STK38L: variants seen among roughly 807,000 people sequenced by gnomAD.
The protein encoded by STK38L is serine/threonine-protein kinase 38-like.
STK38L carries 28 observed loss-of-function variants against 59.7 expected under a neutral mutation model. The ratio of observed to expected loss-of-function variants is 0.47; its 90% CI spans 0.35 to 0.64. The LOEUF (loss-of-function observed/expected upper bound fraction) is 0.64, where lower values mean the gene tolerates loss of function less well. Ranked by LOEUF, STK38L falls within the 30% of genes least tolerant of loss-of-function variation. STK38L has a pLI of 0.01. For missense variants in STK38L, 314 were observed against 555.8 expected (o/e 0.56, Z 4.37); for synonymous variants, 162 against 176.8 (o/e 0.92, Z 0.66).
chr12:27,316,300 T>C (rs1261113304), intron 9 of STK38L, among the ~76,000 whole-genome samples: 1 of 152,356 alleles, frequency 6.6e-6, no homozygotes. Context: ...AATGTGTCCA[T>C]TTTAGATCAG....
chr12:27,315,970 C>T (rs1366277355), intron 9 of STK38L, among the ~76,000 whole-genome samples: 1 of 152,120 alleles, frequency 6.6e-6, no homozygotes, highest in Non-Finnish European at 1.5e-5. Context: ...TAACATGGTC[C>T]ATCAACAGTC....
intron 11 of STK38L, among the ~76,000 whole-genome samples, chr12:27,318,727 C>A (rs1944648476): frequency 1.3e-5 from 2 of 152,266 alleles, no homozygotes; most frequent in African/African-American, 4.8e-5. Flanking sequence ...CACAGCAGCT[C>A]ATGCCTGGAA....
chr12:27,278,413 A>G (rs373311777), intron 1 of STK38L, among the ~76,000 whole-genome samples: 1 of 152,174 alleles, frequency 6.6e-6, no homozygotes, highest in Non-Finnish European at 1.5e-5. Context: ...AATTGTTTAT[A>G]TGCTAATTGT....
chr12:27,248,034 C>G (rs1180622853), intron 1 of STK38L, among the ~76,000 whole-genome samples: 1 of 152,052 alleles, frequency 6.6e-6, no homozygotes, highest in African/African-American at 2.4e-5. Flanking sequence ...AGCCTGGTCT[C>G]GAACTCCTTG....
At chr12:27,267,919 TTTG>T (rs1206398910) in intron 1 of STK38L, among the ~76,000 whole-genome samples, 1 of 152,222 alleles carries the variant, frequency 6.6e-6, no homozygotes, top group Non-Finnish European at 1.5e-5. Context: ...CATTTTAAAT[TTTG>T]TTGTTTGTGT....
intron 1 of STK38L, among the ~76,000 whole-genome samples, chr12:27,290,052 T>G (rs1392153171): frequency 1.3e-5 from 2 of 152,112 alleles, no homozygotes; most frequent in African/African-American, 4.8e-5. Context: ...GGGAAGAAAA[T>G]TAATAATTTT....
chr12:27,300,127 A>G (rs993139220), intron 2 of STK38L, among the ~76,000 whole-genome samples: 13 of 152,292 alleles, frequency 8.5e-5, no homozygotes, highest in Admixed American at 5.9e-4. Flanking sequence ...CAATAAAATT[A>G]TCTGTGTTAT....
At chr12:27,275,057 C>T (rs905316127) in intron 1 of STK38L, among the ~76,000 whole-genome samples, 1 of 152,190 alleles carries the variant, frequency 6.6e-6, no homozygotes, top group African/African-American at 2.4e-5. Context: ...ACATCATACT[C>T]AGACTTAAAA....
intron 1 of STK38L, among the ~76,000 whole-genome samples, chr12:27,275,665 G>C (rs1340073942): frequency 6.6e-6 from 1 of 152,138 alleles, no homozygotes; most frequent in African/African-American, 2.4e-5. Flanking sequence ...TGAAGGCAGA[G>C]ATTCTGTGTC....
chr12:27,254,938 G>A (rs185364133), intron 1 of STK38L, among the ~76,000 whole-genome samples: 1 of 152,268 alleles, frequency 6.6e-6, no homozygotes, highest in Admixed American at 6.5e-5. Flanking sequence ...AAATACTCTG[G>A]TTGTATTTTT....
At chr12:27,268,301 A>G (rs1005586294) in intron 1 of STK38L, among the ~76,000 whole-genome samples, 44 of 150,132 alleles carry the variant, frequency 2.9e-4, no homozygotes, top group African/African-American at 8.4e-4. Context: ...CCAGTGTGTG[A>G]TGTTCCCCGT....
intron 2 of STK38L, among the ~76,000 whole-genome samples, chr12:27,298,679 T>C (rs2136639068): frequency 6.6e-6 from 1 of 152,122 alleles, no homozygotes; most frequent in East Asian, 1.9e-4. Flanking sequence ...AGTGGTGGCA[T>C]TTAAACAGGG....
intron 10 of STK38L, 82 bp downstream of exon 10, chr12:27,317,535 A>G: frequency 8.8e-7 from 1 of 1,132,590 alleles, no homozygotes; most frequent in Non-Finnish European, 1.3e-6. Context: ...GATATCATTG[A>G]CTAAAATATT....
At chr12:27,322,112 G>GT in intron 12 of STK38L, 31 bp from the exon 13 acceptor site, 1 of 1,586,396 alleles carries the variant, frequency 6.3e-7, no homozygotes, top group Admixed American at 1.8e-5. Flanking sequence ...TTCAAGAAAA[G>GT]TTACCATGCA....
At chr12:27,296,888 T>G (rs1430112541) in intron 1 of STK38L, 1 of 152,202 alleles carries the variant, frequency 6.6e-6, no homozygotes, top group Non-Finnish European at 1.5e-5. Context: ...AACGGTACTT[T>G]GTTTGCGTGG....
chr12:27,267,194 T>C (rs1591862281), intron 1 of STK38L, among the ~76,000 whole-genome samples: 1 of 152,274 alleles, frequency 6.6e-6, no homozygotes, highest in Non-Finnish European at 1.5e-5. Context: ...GTTAAATTGT[T>C]TTTTTAAATT....
intron 1 of STK38L, among the ~76,000 whole-genome samples, chr12:27,251,579 A>AAT (rs1458217691): frequency 2.0e-5 from 3 of 152,226 alleles, no homozygotes; most frequent in African/African-American, 7.2e-5. Context: ...GCTACAAGCA[A>AAT]ATCGTTCACT....
At position 27,259,586 on chromosome 12, in the gene STK38L, G is replaced by A. The variant is rs180767838; in HGVS notation, c.-12+15254G>A. Among the ~76,000 whole-genome samples, 155 of 152,244 alleles carry A rather than the reference G, an allele frequency of 1.0e-3. 2 individuals carry two copies. Among genetic ancestry groups the A allele is most frequent in the Non-Finnish European group, 1.6e-4 (11 of 68,036 alleles). On this transcript the variant is annotated intron_variant, in intron 1 of 13. Coordinates refer to ENST00000389032, the MANE Select transcript of STK38L (RefSeq NM_015000.4). ...TAAAAGGTCTTTGTAAACTGTGAGG[G>A]GGTATTCAAGTGTAGAATTTTTAAA...
chr12:27,271,448 C>T (rs935639638), intron 1 of STK38L, among the ~76,000 whole-genome samples: 4 of 152,158 alleles, frequency 2.6e-5, no homozygotes, highest in Non-Finnish European at 5.9e-5. Flanking sequence ...GTTTTGGTTC[C>T]TCATGAGTGG....
Sources: gnomAD v4.1 joint callset for allele counts (sites outside exome capture counted in the v4.1 genomes callset) on GRCh38, gnomAD v4.1.1 for gene constraint, MANE v1.5 for transcripts, NCBI Gene and HGNC (gene_info 2026-07-23, HGNC 2026-07-21) for gene names.